GALNT13: variants seen among roughly 807,000 people sequenced by gnomAD.
GALNT13 encodes UDP-GalNAc:polypeptide N-acetylgalactosaminyltransferase 13.
A neutral mutation model predicts 64.2 loss-of-function variants in GALNT13; 28 were observed. The observed-to-expected ratio is 0.44, with a 90% confidence interval of 0.32 to 0.60. The LOEUF (loss-of-function observed/expected upper bound fraction) is 0.60, where lower values mean the gene tolerates loss of function less well. Among genes scored for constraint, GALNT13 ranks in the 20% least tolerant of loss-of-function variants. The pLI is 0.05. For synonymous variants in GALNT13, 214 were observed against 224.6 expected (o/e 0.95, Z 0.42); for missense variants, 577 against 669.8 (o/e 0.86, Z 1.53).
At chr2:153,459,280 G>C in the GALNT13 span, among the ~76,000 whole-genome samples, 1 of 151,984 alleles carries the variant, frequency 6.6e-6, no homozygotes. Flanking sequence ...TGAAACCTAA[G>C]AGAAAACTGT....
the GALNT13 span, among the ~76,000 whole-genome samples, chr2:153,357,665 C>A: frequency 6.6e-6 from 1 of 152,102 alleles, no homozygotes; most frequent in Admixed American, 6.6e-5. Flanking sequence ...GAAGTGGAGT[C>A]TTCAGCTGTA....
the GALNT13 span, among the ~76,000 whole-genome samples, chr2:153,582,861 G>C: frequency 1.5e-3 from 231 of 152,272 alleles, no homozygotes; most frequent in Non-Finnish European, 2.9e-3. Flanking sequence ...ATTACTGGCT[G>C]TAGGTTTGCA....
At chr2:154,417,741 A>C (rs895060293) in intron 11 of GALNT13, among the ~76,000 whole-genome samples, 1 of 151,732 alleles carries the variant, frequency 6.6e-6, no homozygotes, top group African/African-American at 2.4e-5. Context: ...CGAACTCCTG[A>C]ACTCAGGTGA....
At chr2:154,092,427 G>T (rs566791878) in intron 3 of GALNT13, among the ~76,000 whole-genome samples, 12 of 152,088 alleles carry the variant, frequency 7.9e-5, no homozygotes, top group African/African-American at 2.2e-4. Flanking sequence ...TGTGCAAAAT[G>T]CCTGTTATAA....
intron 3 of GALNT13, among the ~76,000 whole-genome samples, chr2:154,112,003 T>C (rs1703013104): frequency 6.6e-6 from 1 of 152,164 alleles, no homozygotes; most frequent in African/African-American, 2.4e-5. Flanking sequence ...ATTCCATGTG[T>C]CCAGGGATGG....
chr2:154,359,847 C>T (rs565044672), intron 9 of GALNT13, among the ~76,000 whole-genome samples: 1 of 152,116 alleles, frequency 6.6e-6, no homozygotes, highest in South Asian at 2.1e-4. Context: ...GATTGCTGCT[C>T]CTCAGTAAAA....
At chr2:154,147,349 A>G (rs925962490) in intron 4 of GALNT13, among the ~76,000 whole-genome samples, 26 of 148,948 alleles carry the variant, frequency 1.7e-4, no homozygotes, top group African/African-American at 4.4e-4. Flanking sequence ...TATATATTTG[A>G]ATGGAATATA....
downstream of GALNT13, among the ~76,000 whole-genome samples, chr2:154,456,174 T>TTTTAG: frequency 8.9e-6 from 1 of 112,618 alleles, no homozygotes; most frequent in Non-Finnish European, 1.8e-5. Context: ...ATTTCAGCTT[T>TTTTAG]TTTTGTTTTG....
At chr2:153,935,787 C>G (rs906409508) in intron 2 of GALNT13, among the ~76,000 whole-genome samples, 1 of 152,202 alleles carries the variant, frequency 6.6e-6, no homozygotes, top group Non-Finnish European at 1.5e-5. Flanking sequence ...GATTCTGGAT[C>G]TAGGTGACAA....
intron 1 of GALNT13, among the ~76,000 whole-genome samples, chr2:153,886,949 A>G (rs1687221968): frequency 6.6e-6 from 1 of 152,070 alleles, no homozygotes; most frequent in African/African-American, 2.4e-5. Context: ...GGTGCCTGGA[A>G]TCACATAAAT....
chr2:154,126,050 A>G (rs1175966523), intron 3 of GALNT13, among the ~76,000 whole-genome samples: 1 of 152,142 alleles, frequency 6.6e-6, no homozygotes, highest in African/African-American at 2.4e-5. Context: ...AAACAATAGT[A>G]AGTTGCTACT....
At chr2:153,795,911 T>G in the GALNT13 span, among the ~76,000 whole-genome samples, 6 of 152,312 alleles carry the variant, frequency 3.9e-5, no homozygotes, top group African/African-American at 1.2e-4. Flanking sequence ...TAATATGGTA[T>G]GTATCTTGGA....
intron 4 of GALNT13, among the ~76,000 whole-genome samples, chr2:154,241,123 G>A (rs993669886): frequency 9.9e-5 from 15 of 152,134 alleles, no homozygotes; most frequent in African/African-American, 3.6e-4. Context: ...GTCTTCTCGG[G>A]CAGATCTGCT....
At chr2:154,395,847 A>G in intron 9 of GALNT13, 144 bp from the exon 10 acceptor site, 1 of 589,586 alleles carries the variant, frequency 1.7e-6, no homozygotes, top group Non-Finnish European at 2.8e-6. Context: ...CGATGGTAGT[A>G]AAAATCCAGT....
chr2:153,883,116 GA>G (rs1686897243), intron 1 of GALNT13, among the ~76,000 whole-genome samples: 1 of 147,150 alleles, frequency 6.8e-6, no homozygotes, highest in Non-Finnish European at 1.5e-5. Flanking sequence ...AAAGATCCAG[GA>G]AAATATTGCA....
chr2:154,161,937 C>T (rs1208966309), intron 4 of GALNT13, among the ~76,000 whole-genome samples: 8 of 152,058 alleles, frequency 5.3e-5, no homozygotes, highest in Non-Finnish European at 1.2e-4. Flanking sequence ...CCCGCCACCA[C>T]ACCCAGCTAA....
At chr2:154,324,622 G>C (rs972344279) in intron 9 of GALNT13, among the ~76,000 whole-genome samples, 1 of 152,074 alleles carries the variant, frequency 6.6e-6, no homozygotes, top group African/African-American at 2.4e-5. Context: ...CAGGTTTAAA[G>C]TGTTAAATTA....
intron 4 of GALNT13, among the ~76,000 whole-genome samples, chr2:154,183,914 A>G (rs1237101058): frequency 1.3e-5 from 2 of 151,930 alleles, no homozygotes; most frequent in Non-Finnish European, 2.9e-5. Context: ...ATGGAAAGTT[A>G]AGTTTATTTG....
the GALNT13 span, among the ~76,000 whole-genome samples, chr2:153,301,323 A>G: frequency 6.7e-6 from 1 of 149,856 alleles, no homozygotes; most frequent in African/African-American, 2.5e-5. Context: ...AAAAAAGAAA[A>G]AAAAAAAGAG....
Sources: allele counts gnomAD v4.1 joint callset (sites outside exome capture counted in the v4.1 genomes callset), GRCh38; gene constraint gnomAD v4.1.1; transcripts MANE v1.5; gene names NCBI Gene and HGNC (gene_info 2026-07-23, HGNC 2026-07-21).